The following AACS variants were observed in gnomAD, a reference collection of about 807,000 sequenced individuals.
The protein encoded by AACS is acetoacetyl-CoA synthetase.
AACS carries 69 observed loss-of-function variants against 83.1 expected under a neutral mutation model. That is an observed-to-expected ratio of 0.83 (90% CI 0.68 to 1.01). The LOEUF (loss-of-function observed/expected upper bound fraction) is 1.01. AACS is among the 50% of genes least tolerant of loss of function. The probability of loss-of-function intolerance (pLI) is 0.00; values close to 1 mark genes in which losing one functional copy is unlikely to be tolerated. For missense variants in AACS, 866 were observed against 882.2 expected (o/e 0.98, Z 0.23); for synonymous variants, 333 against 343.4 (o/e 0.97, Z 0.33).
intron 7 of AACS, among the ~76,000 whole-genome samples, chr12:125,104,019 A>AAAAAAAT (rs1491061742): frequency 6.9e-6 from 1 of 144,114 alleles, no homozygotes; most frequent in Non-Finnish European, 1.5e-5. Context: ...AAAAAAAAAA[A>AAAAAAAT]GAATCTTCAT....
chr12:125,109,746 T>C (rs1956911634), intron 8 of AACS, among the ~76,000 whole-genome samples: 1 of 152,156 alleles, frequency 6.6e-6, no homozygotes, highest in Admixed American at 6.5e-5. Context: ...GTCTCCTGCA[T>C]GTCTGGAGCA....
At chr12:125,069,896 G>A (rs1293635719) in intron 1 of AACS, among the ~76,000 whole-genome samples, 1 of 152,236 alleles carries the variant, frequency 6.6e-6, no homozygotes. Flanking sequence ...TGGGGCATTG[G>A]TGTTGACATT....
intron 12 of AACS, chr12:125,125,808 T>C (rs1268780954): frequency 3.6e-5 from 2 of 56,174 alleles, no homozygotes; most frequent in African/African-American, 1.9e-4. Flanking sequence ...CATCGAAACA[T>C]GGCCATTGGC....
chr12:125,128,337 C>T (rs948385260), intron 13 of AACS, 63 bp downstream of exon 13: 82 of 1,436,848 alleles, frequency 5.7e-5, no homozygotes, highest in Non-Finnish European at 7.1e-5. Context: ...TGGGAGCGTT[C>T]GGATGTGTAA....
Position 125,129,119 on chromosome 12 carries a change from A to G in AACS, c.1424-216A>G. 2.0e-6 allele frequency: 1 copy of G among 512,148 alleles called. No individual in the cohort carries two copies. Among genetic ancestry groups the G allele is most frequent in the East Asian group, 4.0e-5 (1 of 25,082 alleles). 31.7% of individuals were successfully genotyped at this position (512,148 alleles called of 1,614,324 possible). A position where few individuals can be genotyped will look rare whatever the true frequency, so the allele number is the denominator to read the frequency against. On this transcript the variant is annotated intron_variant, in intron 13 of 17. Transcript: ENST00000316519. The surrounding 1 kb of genome is among the most constrained non-coding windows in gnomAD (Gnocchi z 4.3). ...TGGGAATAACAAATCACTACGTCCG[A>G]GACAGCGATTTTGGGGAGCACACAG... is the stretch of plus-strand genomic sequence containing the variant.
At position 125,129,113 on chromosome 12, in the gene AACS, C is replaced by T. The variant is rs948312726; in HGVS notation, c.1424-222C>T. 42 of 462,256 alleles carry T rather than the reference C, an allele frequency of 9.1e-5. No homozygotes were observed. Among genetic ancestry groups the T allele is most frequent in the Middle Eastern group, 5.9e-4 (1 of 1,706 alleles). 28.6% of individuals were successfully genotyped at this position (462,256 alleles called of 1,614,324 possible). A position where few individuals can be genotyped will look rare whatever the true frequency, so the allele number is the denominator to read the frequency against. ...CACACATGGGAATAACAAATCACTA[C>T]GTCCGAGACAGCGATTTTGGGGAGC... On this transcript the variant is annotated intron_variant, in intron 13 of 17. Transcript: ENST00000316519. This position sits in a 1 kb window ranked among gnomAD's most constrained non-coding sequence, Gnocchi z 4.3.
chr12:125,127,619 T>C (rs981294759), intron 12 of AACS: 1 of 152,170 alleles, frequency 6.6e-6, no homozygotes, highest in African/African-American at 2.4e-5. Context: ...TTTTTTTGTA[T>C]TTTTAGTAGA....
chr12:125,075,220 G>A (rs950942045), intron 2 of AACS, among the ~76,000 whole-genome samples: 1 of 150,878 alleles, frequency 6.6e-6, no homozygotes, highest in African/African-American at 2.4e-5. Flanking sequence ...TGATCTGCCC[G>A]CCTCAGCTTT....
intron 8 of AACS, among the ~76,000 whole-genome samples, chr12:125,109,958 T>G (rs1956916661): frequency 6.6e-6 from 1 of 152,170 alleles, no homozygotes; most frequent in South Asian, 2.1e-4. Flanking sequence ...GTTAGTGTAT[T>G]TCATTTCTGT....
At chr12:125,092,303 C>T (rs1956502778) in intron 5 of AACS, among the ~76,000 whole-genome samples, 1 of 152,268 alleles carries the variant, frequency 6.6e-6, no homozygotes, top group Non-Finnish European at 1.5e-5. Context: ...TGGGCCAGGC[C>T]CTGTGCCGTC....
rs1390824017 is a variant in AACS, at chr12:125,065,605, C to T, written c.21C>T (p.Pro7=). The T allele has an allele frequency of 3.3e-6, 5 of 1,530,220 alleles. No homozygotes were observed. In the Admixed American group the frequency reaches 8.2e-5, roughly 25 times the overall value. The allele number at this position is 1,530,220 out of a possible 1,614,324, so 94.8% of individuals were successfully genotyped here. ...CCGCCATGTCCAAGGAGGAGCGCCC[C>T]GGTCGGGAGGAGATCCTGGAGTGCC... MSKEER[P]GREEILECQV... The change falls in exon 1 of 18, where the codon CCC becomes CCT. Residue 7 remains proline (P), a synonymous_variant. Transcript: ENST00000316519.
At position 125,076,512 on chromosome 12, in the gene AACS, A is replaced by G. The variant is rs200709074; in HGVS notation, c.259A>G (p.Ile87Val). 6.2e-6 allele frequency: 10 copies of G among 1,614,178 alleles called. No homozygotes were observed. The East Asian group carries it at 2.0e-4, about 32-fold the overall frequency. ...YDEVVDTSKG[I>V]ADVPEWFKGS... ...ATAGGTTGTGGACACATCGAAAGGA[A>G]TCGCAGATGTCCCCGAGTGGTTCAA... Residue 87 changes from isoleucine to valine, a missense_variant, in exon 3 of 18, where the codon ATC (isoleucine) becomes GTC (valine). By Grantham distance (29) the Ile-to-Val change is conservative. Transcript: ENST00000316519.
chr12:125,119,111 T>C (rs1957109664), intron 10 of AACS, among the ~76,000 whole-genome samples: 1 of 152,238 alleles, frequency 6.6e-6, no homozygotes, highest in South Asian at 2.1e-4. Context: ...GCACGCGGCA[T>C]GGTATTTTGC....
Position 125,107,267 on chromosome 12 carries a change from G to C in AACS, c.914G>C (p.Gly305Ala), listed in dbSNP as rs749291728. The C allele has an allele frequency of 4.3e-6, 7 of 1,613,234 alleles. No homozygotes were observed. Among genetic ancestry groups the C allele is most frequent in the Non-Finnish European group, 8.5e-7 (1 of 1,179,844 alleles). ...CCCAAGTGCATGGTGCATTCCGCTG[G>C]GGTAGGTCTCTGGGGAAGGCTCTGC... ...GAPKCMVHSA[G>A]GTLIQHLKEH... Residue 305 changes from glycine to alanine, a missense_variant and splice_region_variant, in exon 8 of 18, where the codon GGG (glycine) becomes GCG (alanine). By Grantham distance (60) the Gly-to-Ala change is moderately conservative (BLOSUM62 0). Coordinates refer to ENST00000316519, the MANE Select transcript of AACS (RefSeq NM_023928.5).
At chr12:125,119,315 T>C (rs1957113622) in intron 10 of AACS, among the ~76,000 whole-genome samples, 1 of 152,208 alleles carries the variant, frequency 6.6e-6, no homozygotes, top group Non-Finnish European at 1.5e-5. Flanking sequence ...ATTTCTCTAG[T>C]TGTGGCATTT....
intron 8 of AACS, among the ~76,000 whole-genome samples, chr12:125,109,348 C>G (rs751985908): frequency 6.6e-6 from 1 of 152,140 alleles, no homozygotes; most frequent in Non-Finnish European, 1.5e-5. Flanking sequence ...AACTCTTGGG[C>G]TCAAGTGATC....
In AACS at chr12:125,137,619, C is replaced by T. The variant is rs7312026; in HGVS notation, c.1881+755C>T. Among the ~76,000 whole-genome samples, 677 of 152,284 alleles carry T rather than the reference C, an allele frequency of 4.4e-3. 6 individuals carry two copies. Among genetic ancestry groups the T allele is most frequent in the African/African-American group, 0.015 (635 of 41,574 alleles). On this transcript the variant is annotated intron_variant, in intron 17 of 17. Transcript: ENST00000316519. ...GTGTCGTCATCCCCCAGCCCCTGGCCCCAGTACGCTCTGCTTTGATTCTAA... is the reference window on the plus strand; with the variant it reads ...GTGTCGTCATCCCCCAGCCCCTGGCTCCAGTACGCTCTGCTTTGATTCTAA...
In AACS at chr12:125,142,366, GT is replaced by G; in HGVS notation, c.*140del. The G allele has an allele frequency of 8.0e-7, 1 of 1,253,918 alleles. No homozygotes were observed. Among genetic ancestry groups the G allele is most frequent in the Non-Finnish European group, 1.1e-6 (1 of 924,294 alleles). 77.7% of individuals were successfully genotyped at this position (1,253,918 alleles called of 1,614,324 possible). ...TGTTCTGTAGGCTTGGGGAGGGATC[GT>G]TTCTCTGTTTTGTTAAATCTGGTGG... On this transcript the variant is annotated 3_prime_UTR_variant, in exon 18 of 18. Coordinates refer to ENST00000316519, the MANE Select transcript of AACS (RefSeq NM_023928.5).
chr12:125,135,364 G>A (rs1957387236), intron 16 of AACS, among the ~76,000 whole-genome samples: 1 of 152,126 alleles, frequency 6.6e-6, no homozygotes, highest in Admixed American at 6.5e-5. Context: ...CAAAGTGCTG[G>A]GATTACAGGC....
Sources: allele counts gnomAD v4.1 joint callset (sites outside exome capture counted in the v4.1 genomes callset), GRCh38; gene constraint gnomAD v4.1.1; non-coding constraint Gnocchi (gnomAD v3.1); transcripts MANE v1.5; gene names NCBI Gene and HGNC (gene_info 2026-07-23, HGNC 2026-07-21).